Variants in FOXP2 observed in about 807,000 individuals in gnomAD.
FOXP2 encodes forkhead box P2.
FOXP2 carries 12 observed loss-of-function variants against 115.8 expected under a neutral mutation model. The observed-to-expected ratio is 0.10, with a 90% CI of 0.07 to 0.17. The LOEUF is 0.17. FOXP2 is among the 10% of genes least tolerant of loss of function. The pLI is 1.00. For missense variants in FOXP2, 629 were observed against 843.5 expected, an observed-to-expected ratio of 0.75 and a Z score of 3.15; for synonymous variants, 328 against 297.7, an observed-to-expected ratio of 1.10 and a Z score of -1.05.
chr7:114,100,618 C>G (rs767092976), intron 1 of FOXP2, among the ~76,000 whole-genome samples: 19 of 152,036 alleles, frequency 1.2e-4, no homozygotes, highest in Non-Finnish European at 2.2e-4. Flanking sequence ...TTGTGTCATC[C>G]ATAATTGTGA....
chr7:114,484,556 A>G (rs1222364516), intron 2 of FOXP2, among the ~76,000 whole-genome samples: 1 of 151,930 alleles, frequency 6.6e-6, no homozygotes. Flanking sequence ...ACTTTTAAAC[A>G]TTTCTTTCAG....
chr7:114,591,184 C>T (rs1802420050), intron 3 of FOXP2, among the ~76,000 whole-genome samples: 4 of 152,084 alleles, frequency 2.6e-5, no homozygotes, highest in African/African-American at 7.2e-5. Flanking sequence ...ATATGCTGGA[C>T]ATTGGACACC....
chr7:114,451,046 AG>A (rs1210584976), intron 2 of FOXP2, among the ~76,000 whole-genome samples: 2 of 152,092 alleles, frequency 1.3e-5, no homozygotes, highest in Non-Finnish European at 2.9e-5. Flanking sequence ...ATCTGATAAA[AG>A]GTTTCAGGAT....
chr7:114,505,568 CAA>C (rs966630102), intron 2 of FOXP2, among the ~76,000 whole-genome samples: 1 of 139,026 alleles, frequency 7.2e-6, no homozygotes, highest in Non-Finnish European at 1.6e-5. Context: ...AATCACTCTC[CAA>C]AAAAAAAAAA....
chr7:114,094,717 A>C (rs1200886995), intron 1 of FOXP2, among the ~76,000 whole-genome samples: 1 of 152,108 alleles, frequency 6.6e-6, no homozygotes, highest in Non-Finnish European at 1.5e-5. Context: ...GCTGGAGTGC[A>C]GTGCTGTGAT....
At chr7:114,500,127 A>G (rs572846632) in intron 2 of FOXP2, among the ~76,000 whole-genome samples, 2 of 151,656 alleles carry the variant, frequency 1.3e-5, no homozygotes, top group South Asian at 4.2e-4. Context: ...GAGGCAGGAG[A>G]ATGGCGTGAA....
intron 2 of FOXP2, among the ~76,000 whole-genome samples, chr7:114,437,538 A>G (rs1332282373): frequency 2.0e-5 from 3 of 152,238 alleles, no homozygotes; most frequent in African/African-American, 7.2e-5. Context: ...GATAAGAATA[A>G]ACCCTGTTTC....
At chr7:114,636,012 A>G (rs1805197548) in intron 6 of FOXP2, among the ~76,000 whole-genome samples, 1 of 152,190 alleles carries the variant, frequency 6.6e-6, no homozygotes, top group Non-Finnish European at 1.5e-5. Context: ...ACTTCTGCTA[A>G]ATTTGGCATT....
At chr7:114,458,841 A>G (rs1795437559) in intron 2 of FOXP2, among the ~76,000 whole-genome samples, 1 of 152,148 alleles carries the variant, frequency 6.6e-6, no homozygotes, top group South Asian at 2.1e-4. Flanking sequence ...CTAAAAAACC[A>G]TACTAAACTT....
chr7:114,192,886 A>G (rs890328882), intron 1 of FOXP2, among the ~76,000 whole-genome samples: 1 of 152,156 alleles, frequency 6.6e-6, no homozygotes, highest in Non-Finnish European at 1.5e-5. Context: ...AAAATACATA[A>G]ATGAAGAGCT....
At chr7:114,266,593 G>A (rs965914762) in intron 1 of FOXP2, among the ~76,000 whole-genome samples, 2 of 152,068 alleles carry the variant, frequency 1.3e-5, no homozygotes, top group Non-Finnish European at 2.9e-5. Flanking sequence ...GAACAGCATC[G>A]GGATATGAGG....
intron 1 of FOXP2, among the ~76,000 whole-genome samples, chr7:114,231,262 G>T (rs768916419): frequency 1.4e-4 from 21 of 152,142 alleles, no homozygotes; most frequent in Non-Finnish European, 2.9e-4. Context: ...CATTTTTATG[G>T]ATTAGAAGAA....
intron 2 of FOXP2, among the ~76,000 whole-genome samples, chr7:114,444,237 T>C (rs1235286460): frequency 6.6e-6 from 1 of 152,190 alleles, no homozygotes; most frequent in Admixed American, 6.5e-5. Flanking sequence ...GCCTTACTCT[T>C]GACTCTCGGT....
rs1350972149 is a variant in FOXP2, at chr7:114,170,573, C to T, written c.-102+7485C>T. 3.3e-5 allele frequency among the ~76,000 whole-genome samples: 5 copies of T among 152,170 alleles called. No individual in the cohort carries two copies. In the East Asian group the frequency reaches 9.6e-4, roughly 29 times the overall value. ...AAGTTCTTGAAGGAAATTAAAAGTG[C>T]TACTTTAGTGAACATATGAGTGATA... On this transcript the variant is annotated intron_variant, in intron 1 of 17. Coordinates refer to the FOXP2 transcript ENST00000634411.
At chr7:114,470,329 A>G (rs1795991082) in intron 2 of FOXP2, among the ~76,000 whole-genome samples, 2 of 152,166 alleles carry the variant, frequency 1.3e-5, no homozygotes, top group South Asian at 4.1e-4. Flanking sequence ...ATACCATGCT[A>G]GTTCCTATCT....
chr7:114,101,612 G>A (rs1790958977), intron 1 of FOXP2, among the ~76,000 whole-genome samples: 1 of 151,994 alleles, frequency 6.6e-6, no homozygotes, highest in South Asian at 2.1e-4. Flanking sequence ...CTAGAATTTT[G>A]TTGGGGAATA....
chr7:114,626,687 A>C (rs1180584320), intron 3 of FOXP2, among the ~76,000 whole-genome samples: 2 of 151,710 alleles, frequency 1.3e-5, no homozygotes, highest in Non-Finnish European at 3.0e-5. Flanking sequence ...CTATTTGGAA[A>C]TAGTATGAGG....
chr7:114,201,617 A>G (rs925565617), intron 1 of FOXP2, among the ~76,000 whole-genome samples: 16 of 152,156 alleles, frequency 1.1e-4, no homozygotes, highest in African/African-American at 2.9e-4. Context: ...AGTTGTTTTT[A>G]CTGAATACAT....
Position 114,362,046 on chromosome 7 carries a change from A to G in FOXP2, c.-10-64456A>G, listed in dbSNP as rs559561837. On this transcript the variant is annotated intron_variant, in intron 2 of 17. Coordinates refer to the FOXP2 transcript ENST00000634411. ...AAGGTTCAAAAATAAAATTCAAACA[A>G]TGTTGATATGATGAAACTATGGTGG... Among the ~76,000 whole-genome samples the G allele has an allele frequency of 4.6e-5, 7 of 152,146 alleles. No individual in the cohort carries two copies. In the East Asian group the frequency reaches 1.3e-3, roughly 29 times the overall value.
Sources: gnomAD v4.1 joint callset for allele counts (sites outside exome capture counted in the v4.1 genomes callset) on GRCh38, gnomAD v4.1.1 for gene constraint, MANE v1.5 for transcripts, NCBI Gene and HGNC (gene_info 2026-07-23, HGNC 2026-07-21) for gene names.